SIK3: variants seen among roughly 807,000 people sequenced by gnomAD.
The protein encoded by SIK3 is SIK family kinase 3, also known as serine/threonine-protein kinase SIK3.
Under a neutral mutation model 144.2 loss-of-function variants are expected in SIK3, and 28 were observed. That is an observed-to-expected ratio of 0.19 (90% CI 0.14 to 0.27). SIK3 has a LOEUF of 0.27. SIK3 is among the 10% of genes least tolerant of loss of function. SIK3 has a pLI of 1.00. For synonymous variants in SIK3, 686 were observed against 676.3 expected (o/e 1.01, Z -0.22); for missense variants, 1,319 against 1,776.0 (o/e 0.74, Z 4.62).
intron 4 of SIK3, among the ~76,000 whole-genome samples, chr11:116,905,678 C>T (rs1945991850): frequency 6.6e-6 from 1 of 152,286 alleles, no homozygotes; most frequent in Admixed American, 6.5e-5. Context: ...GAAATGATAT[C>T]TTACAGTGGT....
rs570258388 is a variant in SIK3, at chr11:116,858,238, C to G, written c.3227G>C (p.Gly1076Ala). 1 of 1,614,084 alleles carries G rather than the reference C, an allele frequency of 6.2e-7. No individual in the cohort carries two copies. The highest frequency in any genetic ancestry group is 1.7e-5 in the Admixed American group (1 of 60,020). Residue 1076 changes from glycine (G) to alanine (A), a missense_variant, in exon 21 of 25, where the codon GGG becomes GCG. Around this residue, in one of 8 missense-constraint regions of SIK3, gnomAD observed 646 missense variants for 763.7 expected, o/e 0.85. Coordinates refer to ENST00000445177, the MANE Select transcript of SIK3 (RefSeq NM_001366686.3). This position sits in a 1 kb window ranked among gnomAD's most constrained non-coding sequence, Gnocchi z 5.4. ...TCCCCCAAGGCTGGGAGCCAGACTCCCCGCATCCCCTTGGTTCATGTGCCT... is the reference window on the plus strand; with the variant it reads ...TCCCCCAAGGCTGGGAGCCAGACTCGCCGCATCCCCTTGGTTCATGTGCCT... Reference protein sequence around the residue: ...LFRHMNQGDAGSLAPSLGGQS... With the variant: ...LFRHMNQGDAASLAPSLGGQS...
At chr11:116,933,197 G>A (rs1947717834) in intron 3 of SIK3, among the ~76,000 whole-genome samples, 1 of 149,074 alleles carries the variant, frequency 6.7e-6, no homozygotes, top group African/African-American at 2.5e-5. Context: ...ATGGAGTGCA[G>A]TGGTGCAATC....
intron 6 of SIK3, among the ~76,000 whole-genome samples, chr11:116,894,815 C>T (rs1945308700): frequency 1.3e-5 from 2 of 152,196 alleles, no homozygotes; most frequent in Non-Finnish European, 2.9e-5. Flanking sequence ...TCTCGACACC[C>T]CAGACTGGGA....
intron 5 of SIK3, 102 bp downstream of exon 5, chr11:116,897,091 C>T: frequency 8.8e-7 from 1 of 1,140,770 alleles, no homozygotes. Flanking sequence ...TGACCAGGAT[C>T]TCAATTCATG....
intron 3 of SIK3, among the ~76,000 whole-genome samples, chr11:116,944,980 GACGGAGTCTCGCTCTGTCCC>G (rs1948509981): frequency 6.7e-6 from 1 of 148,298 alleles, no homozygotes; most frequent in African/African-American, 2.5e-5. Context: ...TTTTTTTTGA[GACGGAGTCTCGCTCTGTCCC>G]GTAGGCTGGA....
At chr11:116,926,245 A>C (rs1303397747) in intron 4 of SIK3, among the ~76,000 whole-genome samples, 1 of 152,222 alleles carries the variant, frequency 6.6e-6, no homozygotes, top group East Asian at 1.9e-4. Context: ...CTATACCGGA[A>C]AGTGTCGGCA....
At position 116,931,176 on chromosome 11, in the gene SIK3, C is replaced by T. The variant is rs188023188; in HGVS notation, c.455-3796G>A. Among the ~76,000 whole-genome samples, 305 of 152,244 alleles carry T rather than the reference C, an allele frequency of 2.0e-3. 5 individuals are homozygous for T. The highest frequency in any genetic ancestry group is 3.4e-3 in the Middle Eastern group (1 of 294). ...AGTGACACTAAGAGATTTACATACC[C>T]GACGAAGAGTAATATTGTTAGAAGT... is the stretch of plus-strand genomic sequence containing the variant. On this transcript the variant is annotated intron_variant, in intron 3 of 24. Transcript: ENST00000445177.
At chr11:117,075,327 A>T (rs1954464040) in intron 1 of SIK3, among the ~76,000 whole-genome samples, 1 of 152,178 alleles carries the variant, frequency 6.6e-6, no homozygotes, top group African/African-American at 2.4e-5. Context: ...CTGAGAAATA[A>T]GCTGAACCAT....
chr11:117,046,783 G>A (rs952386102), intron 1 of SIK3, among the ~76,000 whole-genome samples: 3 of 152,182 alleles, frequency 2.0e-5, no homozygotes, highest in African/African-American at 7.2e-5. Context: ...AGGAGGCTGA[G>A]GTGGGAGGAT....
chr11:116,893,355 G>A (rs187518442), intron 6 of SIK3, among the ~76,000 whole-genome samples: 15 of 152,192 alleles, frequency 9.9e-5, no homozygotes, highest in Admixed American at 8.5e-4. Flanking sequence ...ACTCAATACT[G>A]CTGTGAATCT....
rs575204951 is a variant in SIK3 at position 117,079,552 on chromosome 11, C to T, written c.273+18591G>A. ...CAAGTAGGAATAAGCCATTAATAAT[C>T]ACAAAAATAAATGTAAATTTACAAC... On this transcript the variant is annotated intron_variant, in intron 1 of 24. Transcript: ENST00000445177. 7.6e-4 allele frequency among the ~76,000 whole-genome samples: 115 copies of T among 152,174 alleles called. 1 individual carries two copies. Among genetic ancestry groups the T allele is most frequent in the African/African-American group, 2.7e-3 (113 of 41,518 alleles).
At chr11:116,980,462 C>T (rs190667215) in intron 1 of SIK3, among the ~76,000 whole-genome samples, 1 of 152,312 alleles carries the variant, frequency 6.6e-6, no homozygotes, top group East Asian at 1.9e-4. Flanking sequence ...TAACACAAGG[C>T]CTATTTTACA....
intron 4 of SIK3, among the ~76,000 whole-genome samples, chr11:116,922,576 C>T (rs534487423): frequency 6.6e-6 from 1 of 152,276 alleles, no homozygotes; most frequent in East Asian, 1.9e-4. Context: ...CGCTTGAGGC[C>T]AGGAGTTTGA....
chr11:117,044,997 A>C (rs1399169858), intron 1 of SIK3, among the ~76,000 whole-genome samples: 1 of 152,270 alleles, frequency 6.6e-6, no homozygotes, highest in Non-Finnish European at 1.5e-5. Flanking sequence ...TCTTGGCTTC[A>C]AACAATGGGG....
intron 1 of SIK3, among the ~76,000 whole-genome samples, chr11:117,000,676 A>G (rs575626499): frequency 6.6e-6 from 1 of 152,280 alleles, no homozygotes; most frequent in African/African-American, 2.4e-5. Flanking sequence ...CAGGTTCAAG[A>G]TTTTCTCTAA....
chr11:116,870,411 G>C lies in SIK3; in HGVS notation c.1738-10C>G. ...TAACTGCTGGCACTGCCTGAAGAGA[G>C]ACAGGAAGGAAAAGCTCAAGGTGGC... On this transcript the variant is annotated splice_polypyrimidine_tract_variant and intron_variant, in intron 13 of 24. Coordinates refer to ENST00000445177, the MANE Select transcript of SIK3 (RefSeq NM_001366686.3). The C allele has an allele frequency of 6.2e-7, 1 of 1,612,228 alleles. No individual in the cohort carries two copies. Among genetic ancestry groups the C allele is most frequent in the Non-Finnish European group, 8.5e-7 (1 of 1,180,002 alleles).
At chr11:116,872,141 T>C (rs1944001975) in intron 13 of SIK3, among the ~76,000 whole-genome samples, 1 of 152,112 alleles carries the variant, frequency 6.6e-6, no homozygotes. Flanking sequence ...ACACAGGGAA[T>C]GTGGTGCCAC....
At chr11:116,989,712 G>T (rs1257241836) in intron 1 of SIK3, among the ~76,000 whole-genome samples, 1 of 152,118 alleles carries the variant, frequency 6.6e-6, no homozygotes, top group Non-Finnish European at 1.5e-5. Context: ...CTGACTGGGA[G>T]TTCCTATGAC....
chr11:116,874,145 A>C (rs1202003185), intron 11 of SIK3, 89 bp from the exon 12 acceptor site: 1 of 1,249,338 alleles, frequency 8.0e-7, no homozygotes, highest in Non-Finnish European at 1.1e-6. Flanking sequence ...TGCTATGTTC[A>C]GTACAACTTA....
Sources: allele counts gnomAD v4.1 joint callset (sites outside exome capture counted in the v4.1 genomes callset), GRCh38; gene constraint gnomAD v4.1.1; regional missense constraint gnomAD v4.1.1; non-coding constraint Gnocchi (gnomAD v3.1); transcripts MANE v1.5; gene names NCBI Gene and HGNC (gene_info 2026-07-23, HGNC 2026-07-21).